The following MSRB3 variants were observed in gnomAD, a reference collection of about 807,000 sequenced individuals.
The protein encoded by MSRB3 is methionine sulfoxide reductase B3, also known as methionine-R-sulfoxide reductase B3.
MSRB3 carries 13 observed loss-of-function variants against 21.0 expected under a neutral mutation model. The ratio of observed to expected loss-of-function variants is 0.62; its 90% CI spans 0.40 to 0.98. The LOEUF is 0.98. Ranked by LOEUF, MSRB3 falls within the 50% of genes least tolerant of loss-of-function variation. The pLI, the probability that MSRB3 is intolerant of heterozygous loss-of-function variation, is 0.00. For synonymous variants in MSRB3, 87 were observed against 88.6 expected, an observed-to-expected ratio of 0.98 and a Z score of 0.10; for missense variants, 199 against 230.3, an observed-to-expected ratio of 0.86 and a Z score of 0.88.
chr12:65,279,859 T>G (rs1156249863), intron 1 of MSRB3, among the ~76,000 whole-genome samples: 1 of 152,244 alleles, frequency 6.6e-6, no homozygotes, highest in Non-Finnish European at 1.5e-5. Context: ...GCTTCTTGCT[T>G]CTTAATTTTA....
intron 4 of MSRB3, among the ~76,000 whole-genome samples, chr12:65,343,491 T>G (rs1193129586): frequency 6.6e-6 from 1 of 152,158 alleles, no homozygotes; most frequent in Non-Finnish European, 1.5e-5. Context: ...GATTTGCATT[T>G]ATTTTCAAAT....
chr12:65,307,130 T>C, intron 1 of MSRB3: 2 of 701,024 alleles, frequency 2.9e-6, no homozygotes, highest in Non-Finnish European at 3.5e-6. Context: ...TTTGATCTTT[T>C]ATTAGTCAGT....
intron 2 of MSRB3, among the ~76,000 whole-genome samples, chr12:65,317,238 T>G (rs931756928): frequency 6.6e-6 from 1 of 152,182 alleles, no homozygotes; most frequent in Non-Finnish European, 1.5e-5. Context: ...GATCTCATCA[T>G]GAAATTGAGA....
At chr12:65,346,202 C>G (rs1043858916) in intron 4 of MSRB3, among the ~76,000 whole-genome samples, 1 of 152,194 alleles carries the variant, frequency 6.6e-6, no homozygotes, top group Non-Finnish European at 1.5e-5. Context: ...GTCCCACCAA[C>G]AGTGTAAAAG....
At chr12:65,353,072 G>A (rs1435226494) in intron 4 of MSRB3, among the ~76,000 whole-genome samples, 8 of 152,252 alleles carry the variant, frequency 5.3e-5, no homozygotes, top group South Asian at 2.1e-4. Flanking sequence ...TAGTTTGATC[G>A]CACTGTGTTC....
chr12:65,361,553 G>A (rs1877707413), intron 4 of MSRB3, among the ~76,000 whole-genome samples: 1 of 152,048 alleles, frequency 6.6e-6, no homozygotes, highest in East Asian at 1.9e-4. Flanking sequence ...TATACCTTTT[G>A]CTCTTTTAGT....
At chr12:65,399,394 T>G (rs1388084279) in intron 5 of MSRB3, among the ~76,000 whole-genome samples, 1 of 152,104 alleles carries the variant, frequency 6.6e-6, no homozygotes, top group African/African-American at 2.4e-5. Flanking sequence ...CACTCATGAT[T>G]TGGCTGTTTG....
Position 65,448,533 on chromosome 12 carries a change from G to A in MSRB3, c.293-5195G>A, listed in dbSNP as rs572692422. Among the ~76,000 whole-genome samples, 8 of 152,244 alleles carry A rather than the reference G, an allele frequency of 5.3e-5. No individual in the cohort carries two copies. The South Asian group carries it at 1.7e-3, about 32-fold the overall frequency. On this transcript the variant is annotated intron_variant, in intron 5 of 6. Coordinates refer to ENST00000308259, the MANE Select transcript of MSRB3 (RefSeq NM_001031679.3). ...AAATGAATTTATAATGTCTAAAACA[G>A]CACTGTGCAAGGATGGAAATGTTCT... is the stretch of plus-strand genomic sequence containing the variant.
Position 65,290,870 on chromosome 12 carries a change from A to G in MSRB3, c.-52+12005A>G, listed in dbSNP as rs555380962. Among the ~76,000 whole-genome samples the G allele has an allele frequency of 7.9e-5, 12 of 152,184 alleles. No homozygotes were observed. The South Asian group carries it at 2.5e-3, about 32-fold the overall frequency. On this transcript the variant is annotated intron_variant, in intron 1 of 6. Transcript: ENST00000308259. Reference sequence around the variant, plus strand: ...CAGACATATATAATTGCTAATCAGAACTCCTTTTCAGTATGAAATAACCAA... The same window carrying G: ...CAGACATATATAATTGCTAATCAGAGCTCCTTTTCAGTATGAAATAACCAA...
chr12:65,360,521 C>T (rs1050451999), intron 4 of MSRB3, among the ~76,000 whole-genome samples: 1 of 152,080 alleles, frequency 6.6e-6, no homozygotes, highest in Non-Finnish European at 1.5e-5. Context: ...TTTATTTTTT[C>T]AGCATTCTCT....
At chr12:65,332,588 A>G (rs541647007) in intron 4 of MSRB3, among the ~76,000 whole-genome samples, 3 of 152,202 alleles carry the variant, frequency 2.0e-5, no homozygotes, top group South Asian at 4.1e-4. Context: ...ATACATATGT[A>G]ACAAACCTGC....
chr12:65,389,364 C>T (rs1879353418), intron 5 of MSRB3, among the ~76,000 whole-genome samples: 1 of 152,094 alleles, frequency 6.6e-6, no homozygotes, highest in Non-Finnish European at 1.5e-5. Context: ...CCCAAGGTCC[C>T]TCTTGCAGCT....
chr12:65,369,137 C>G (rs1878181769), intron 5 of MSRB3, 111 bp downstream of exon 5: 3 of 818,164 alleles, frequency 3.7e-6, no homozygotes, highest in Non-Finnish European at 6.1e-6. Flanking sequence ...TAGGCGGTTT[C>G]TTTCCAAAAT....
At chr12:65,341,314 A>G (rs1275591516) in intron 4 of MSRB3, among the ~76,000 whole-genome samples, 1 of 152,104 alleles carries the variant, frequency 6.6e-6, no homozygotes, top group Non-Finnish European at 1.5e-5. Flanking sequence ...AGAAAGACAA[A>G]CATCACATGT....
intron 5 of MSRB3, among the ~76,000 whole-genome samples, chr12:65,395,282 C>A (rs1395272175): frequency 6.6e-6 from 1 of 152,032 alleles, no homozygotes; most frequent in African/African-American, 2.4e-5. Flanking sequence ...GCCTGACCAA[C>A]ATGGTGAAAC....
intron 1 of MSRB3, among the ~76,000 whole-genome samples, chr12:65,299,702 G>T (rs917581279): frequency 2.6e-5 from 4 of 152,184 alleles, no homozygotes; most frequent in Non-Finnish European, 5.9e-5. Flanking sequence ...TTCCAGTCTA[G>T]TTGGTGTCTT....
chr12:65,347,098 G>A (rs2136484756), intron 4 of MSRB3, among the ~76,000 whole-genome samples: 1 of 152,312 alleles, frequency 6.6e-6, no homozygotes, highest in African/African-American at 2.4e-5. Flanking sequence ...GAACTTTAAA[G>A]TAGTTTTTTC....
intron 5 of MSRB3, among the ~76,000 whole-genome samples, chr12:65,384,127 ATT>A (rs1879090688): frequency 6.6e-6 from 1 of 152,190 alleles, no homozygotes; most frequent in Non-Finnish European, 1.5e-5. Context: ...TATTTTATGC[ATT>A]TTCAAAGTAC....
intron 1 of MSRB3, among the ~76,000 whole-genome samples, chr12:65,291,916 C>T (rs1282506280): frequency 6.6e-6 from 1 of 152,154 alleles, no homozygotes. Context: ...AAAATAATAA[C>T]TCCAGCTGCT....
Sources: allele counts gnomAD v4.1 joint callset (sites outside exome capture counted in the v4.1 genomes callset), GRCh38; gene constraint gnomAD v4.1.1; transcripts MANE v1.5; gene names NCBI Gene and HGNC (gene_info 2026-07-23, HGNC 2026-07-21).